CDH12: variants seen among roughly 807,000 people sequenced by gnomAD.
CDH12 encodes cadherin 12, also known as cadherin-12.
CDH12 carries 41 observed loss-of-function variants against 74.1 expected under a neutral mutation model. The observed-to-expected ratio is 0.55, with a 90% CI of 0.43 to 0.72. CDH12 has a LOEUF of 0.72. Among genes scored for constraint, CDH12 ranks in the 30% least tolerant of loss-of-function variants. The probability of loss-of-function intolerance (pLI) is 0.00; values close to 1 mark genes in which losing one functional copy is unlikely to be tolerated. For synonymous variants in CDH12, 399 were observed against 355.0 expected (o/e 1.12, Z -1.39); for missense variants, 945 against 977.2 (o/e 0.97, Z 0.44).
intron 3 of CDH12, among the ~76,000 whole-genome samples, chr5:22,230,786 C>G (rs544099813): frequency 1.3e-5 from 2 of 152,080 alleles, no homozygotes; most frequent in South Asian, 2.1e-4. Context: ...CTTTAATCTC[C>G]AAGATGATGC....
intron 1 of CDH12, among the ~76,000 whole-genome samples, chr5:22,641,082 A>G (rs1399629507): frequency 2.0e-5 from 3 of 152,304 alleles, no homozygotes; most frequent in East Asian, 3.9e-4. Context: ...ACGTACATAC[A>G]TAGATGTAGA....
chr5:22,652,476 G>C (rs1739794394), intron 1 of CDH12, among the ~76,000 whole-genome samples: 1 of 152,156 alleles, frequency 6.6e-6, no homozygotes, highest in Admixed American at 6.5e-5. Flanking sequence ...CTTCATTTCA[G>C]ATCGATTCCA....
chr5:22,511,174 C>T (rs1236891673), intron 1 of CDH12, among the ~76,000 whole-genome samples: 11 of 152,050 alleles, frequency 7.2e-5, no homozygotes, highest in African/African-American at 2.7e-4. Context: ...GGATTAGAGG[C>T]GTGAGCCACC....
intron 2 of CDH12, among the ~76,000 whole-genome samples, chr5:22,456,948 G>GT (rs975900880): frequency 1.1e-4 from 17 of 150,712 alleles, no homozygotes; most frequent in South Asian, 6.4e-4. Flanking sequence ...ATTATTCATG[G>GT]TTTTTTTTTT....
At chr5:22,608,879 G>A (rs1737252174) in intron 1 of CDH12, among the ~76,000 whole-genome samples, 2 of 152,120 alleles carry the variant, frequency 1.3e-5, no homozygotes, top group Admixed American at 1.3e-4. Flanking sequence ...GTGGAACTGT[G>A]AGTCAATTAA....
chr5:22,468,930 C>A (rs1428279790), intron 2 of CDH12, among the ~76,000 whole-genome samples: 1 of 152,132 alleles, frequency 6.6e-6, no homozygotes, highest in African/African-American at 2.4e-5. Flanking sequence ...TCCTTTCACA[C>A]AATTGAATAT....
At chr5:22,706,321 A>G (rs1032846622) in intron 1 of CDH12, among the ~76,000 whole-genome samples, 9 of 152,012 alleles carry the variant, frequency 5.9e-5, no homozygotes, top group Non-Finnish European at 1.0e-4. Context: ...ATGCATGCTT[A>G]TGTTTTTCCA....
At chr5:22,814,447 G>T (rs1345121291) in intron 1 of CDH12, among the ~76,000 whole-genome samples, 1 of 152,146 alleles carries the variant, frequency 6.6e-6, no homozygotes, top group Admixed American at 6.6e-5. Context: ...TCAGCTTGAT[G>T]AATCCTCTGC....
chr5:22,407,856 C>T (rs371529771), intron 2 of CDH12, among the ~76,000 whole-genome samples: 1 of 152,076 alleles, frequency 6.6e-6, no homozygotes, highest in African/African-American at 2.4e-5. Context: ...GATTAGACTC[C>T]ATGTCTGATT....
intron 3 of CDH12, among the ~76,000 whole-genome samples, chr5:22,351,000 A>G (rs1160813895): frequency 6.6e-6 from 1 of 152,166 alleles, no homozygotes; most frequent in Non-Finnish European, 1.5e-5. Flanking sequence ...CAAGTTTTTA[A>G]TATAAAGCTG....
At chr5:22,483,933 G>C (rs1022708281) in intron 2 of CDH12, among the ~76,000 whole-genome samples, 1 of 148,818 alleles carries the variant, frequency 6.7e-6, no homozygotes, top group African/African-American at 2.5e-5. Context: ...AAGATATCAG[G>C]GGCCATATAA....
At chr5:22,377,327 T>C (rs1158114117) in intron 3 of CDH12, among the ~76,000 whole-genome samples, 1 of 152,098 alleles carries the variant, frequency 6.6e-6, no homozygotes, top group Non-Finnish European at 1.5e-5. Flanking sequence ...CAACAGAGTT[T>C]ATAAAAGTTT....
intron 1 of CDH12, among the ~76,000 whole-genome samples, chr5:22,759,291 T>G (rs1052178837): frequency 1.3e-5 from 2 of 152,174 alleles, no homozygotes; most frequent in African/African-American, 4.8e-5. Context: ...CTTACCTTAT[T>G]CTTCAACCTC....
chr5:22,115,127 T>C lies in CDH12; in HGVS notation c.-186-36265A>G, dbSNP rs148186538. Among the ~76,000 whole-genome samples, 777 of 152,290 alleles carry C rather than the reference T, an allele frequency of 5.1e-3. 5 individuals are homozygous for C. Among genetic ancestry groups the C allele is most frequent in the African/African-American group, 0.017 (717 of 41,564 alleles). On this transcript the variant is annotated intron_variant, in intron 4 of 14. Transcript: ENST00000382254. ...TATTTACATAGATGCTATTTGATAG[T>C]ATTCAAACACTATCAAATCTTAATG... is the stretch of plus-strand genomic sequence containing the variant.
intron 1 of CDH12, among the ~76,000 whole-genome samples, chr5:22,824,469 A>G: frequency 6.6e-6 from 1 of 152,174 alleles, no homozygotes; most frequent in East Asian, 1.9e-4. Flanking sequence ...AAATGTAAAT[A>G]ACATATAAAT....
chr5:22,739,160 T>A (rs913363655), intron 1 of CDH12, among the ~76,000 whole-genome samples: 2 of 152,034 alleles, frequency 1.3e-5, no homozygotes, highest in Non-Finnish European at 2.9e-5. Context: ...AATGAGAATT[T>A]TCATGTGTAA....
intron 4 of CDH12, among the ~76,000 whole-genome samples, chr5:22,208,516 T>C (rs1751353900): frequency 6.6e-6 from 1 of 152,256 alleles, no homozygotes. Flanking sequence ...TTCCACAGAC[T>C]GTCCTTTTTA....
chr5:21,874,441 G>A (rs1751820765), intron 6 of CDH12, among the ~76,000 whole-genome samples: 1 of 152,136 alleles, frequency 6.6e-6, no homozygotes, highest in African/African-American at 2.4e-5. Context: ...AGGTAGTAAA[G>A]AGAGCTCACT....
intron 2 of CDH12, among the ~76,000 whole-genome samples, chr5:22,460,438 G>A (rs1580672046): frequency 6.6e-6 from 1 of 152,148 alleles, no homozygotes; most frequent in East Asian, 1.9e-4. Flanking sequence ...TGTTTTCTCG[G>A]AAAGGCAAAT....
Sources: allele counts gnomAD v4.1 joint callset (sites outside exome capture counted in the v4.1 genomes callset), GRCh38; gene constraint gnomAD v4.1.1; transcripts MANE v1.5; gene names NCBI Gene and HGNC (gene_info 2026-07-23, HGNC 2026-07-21).